Variants in FBXW7 observed in about 807,000 individuals in gnomAD.
FBXW7 encodes the protein F-box and WD repeat domain containing 7, also known as F-box/WD repeat-containing protein 7.
Under a neutral mutation model 86.3 loss-of-function variants are expected in FBXW7, and 11 were observed. The observed-to-expected ratio is 0.13, with a 90% CI of 0.08 to 0.21. The LOEUF (loss-of-function observed/expected upper bound fraction) is 0.21, where lower values mean the gene tolerates loss of function less well. Ranked by LOEUF, FBXW7 falls within the 10% of genes least tolerant of loss-of-function variation. The pLI is 1.00. For missense variants in FBXW7, 488 were observed against 847.4 expected, an observed-to-expected ratio of 0.58 and a Z score of 5.27; for synonymous variants, 313 against 297.9, an observed-to-expected ratio of 1.05 and a Z score of -0.52.
intron 2 of FBXW7, among the ~76,000 whole-genome samples, chr4:152,455,715 A>G (rs2149619120): frequency 6.6e-6 from 1 of 152,322 alleles, no homozygotes; most frequent in East Asian, 1.9e-4. Context: ...AACTTGGTGT[A>G]AAGCAACACA....
At chr4:152,329,985 T>C (rs947296359) in intron 9 of FBXW7, among the ~76,000 whole-genome samples, 200 bp from the exon 10 acceptor site, 5 of 151,916 alleles carry the variant, frequency 3.3e-5, no homozygotes, top group African/African-American at 4.8e-5. Flanking sequence ...CTATTATTTA[T>C]ACTCAAAACA....
chr4:152,362,342 T>C lies in FBXW7; in HGVS notation c.502-12218A>G, dbSNP rs187037638. Among the ~76,000 whole-genome samples the C allele has an allele frequency of 2.6e-4, 39 of 152,306 alleles. 1 individual carries two copies. Among genetic ancestry groups the C allele is most frequent in the Non-Finnish European group, 3.7e-4 (25 of 68,010 alleles). On this transcript the variant is annotated intron_variant, in intron 4 of 13. Transcript: ENST00000281708. ...AATCCTATGAGGAATAGTCTAAATC[T>C]ACCCAAAAGAATATCAATTCAAAGC...
At chr4:152,469,290 C>T (rs1743734773) in intron 2 of FBXW7, among the ~76,000 whole-genome samples, 1 of 151,926 alleles carries the variant, frequency 6.6e-6, no homozygotes, top group African/African-American at 2.4e-5. Context: ...CATTTTATAT[C>T]TATATAATCA....
At chr4:152,484,177 T>C (rs1292510462) in intron 2 of FBXW7, among the ~76,000 whole-genome samples, 5 of 152,182 alleles carry the variant, frequency 3.3e-5, no homozygotes, top group Non-Finnish European at 1.5e-5. Flanking sequence ...AATTTATTAC[T>C]ACTTATTTTA....
At chr4:152,352,783 GAGA>G (rs1560794257) in intron 4 of FBXW7, 17 of 1,598,228 alleles carry the variant, frequency 1.1e-5, no homozygotes, top group Middle Eastern at 3.3e-4. Flanking sequence ...AGAGAGAACG[GAGA>G]AGATTATTGG....
At chr4:152,531,170 T>C (rs992397937) in intron 2 of FBXW7, among the ~76,000 whole-genome samples, 4 of 152,202 alleles carry the variant, frequency 2.6e-5, no homozygotes, top group African/African-American at 9.7e-5. Flanking sequence ...CTGTCCTCAC[T>C]AGTAAATAAC....
intron 2 of FBXW7, among the ~76,000 whole-genome samples, chr4:152,459,245 C>T (rs973591555): frequency 2.0e-5 from 3 of 152,194 alleles, no homozygotes; most frequent in African/African-American, 7.2e-5. Flanking sequence ...AGAAGGATGA[C>T]ATCATTATCA....
intron 6 of FBXW7, among the ~76,000 whole-genome samples, chr4:152,343,991 T>C (rs571588277): frequency 2.0e-5 from 3 of 152,272 alleles, no homozygotes; most frequent in East Asian, 3.9e-4. Flanking sequence ...CAATGCTGTA[T>C]CACTGCCTTA....
intron 2 of FBXW7, among the ~76,000 whole-genome samples, chr4:152,516,345 G>A (rs561434459): frequency 2.8e-4 from 43 of 152,330 alleles, no homozygotes; most frequent in African/African-American, 1.0e-3. Context: ...GAGTCTCATA[G>A]GAGCACAAAC....
chr4:152,321,018 A>G lies in FBXW7; in HGVS notation c.*1863T>C, dbSNP rs1395828306. ...CCAGATTTCATATTTATACACCCCA[A>G]TGCAATCTACAGAGATGAGCACAGT... On this transcript the variant is annotated 3_prime_UTR_variant, in exon 14 of 14. Coordinates refer to ENST00000281708, the MANE Select transcript of FBXW7 (RefSeq NM_001349798.2). The G allele has an allele frequency of 5.9e-6, 1 of 168,932 alleles. No homozygotes were observed. The highest frequency in any genetic ancestry group is 6.4e-5 in the Admixed American group (1 of 15,672). 10.5% of individuals were successfully genotyped at this position (168,932 alleles called of 1,614,324 possible). A position where few individuals can be genotyped will look rare whatever the true frequency, so the allele number is the denominator to read the frequency against.
chr4:152,370,965 T>G (rs1300741788), intron 4 of FBXW7, among the ~76,000 whole-genome samples: 2 of 151,116 alleles, frequency 1.3e-5, no homozygotes, highest in African/African-American at 4.8e-5. Context: ...CTTTAATAAT[T>G]TTACCCTTCA....
chr4:152,441,252 G>C (rs1443166638), intron 2 of FBXW7, among the ~76,000 whole-genome samples: 2 of 151,814 alleles, frequency 1.3e-5, no homozygotes, highest in African/African-American at 2.4e-5. Flanking sequence ...CTTCTTTGTC[G>C]CCTGTCTCTG....
At chr4:152,489,803 C>A (rs1745670206) in intron 2 of FBXW7, among the ~76,000 whole-genome samples, 1 of 152,034 alleles carries the variant, frequency 6.6e-6, no homozygotes, top group Admixed American at 6.6e-5. Flanking sequence ...TTACTACCCT[C>A]CCCTCAATAC....
intron 2 of FBXW7, among the ~76,000 whole-genome samples, chr4:152,424,667 T>C (rs1739224234): frequency 6.6e-6 from 1 of 152,246 alleles, no homozygotes; most frequent in Non-Finnish European, 1.5e-5. Flanking sequence ...TAGAGTTTTG[T>C]AACTAGCAAC....
intron 5 of FBXW7, among the ~76,000 whole-genome samples, chr4:152,347,818 A>C (rs1169658245): frequency 2.0e-5 from 3 of 152,078 alleles, no homozygotes; most frequent in Non-Finnish European, 4.4e-5. Flanking sequence ...CGACTAGATG[A>C]TCTCTCTAAA....
At chr4:152,381,923 T>C (rs1369142009) in intron 4 of FBXW7, among the ~76,000 whole-genome samples, 2 of 152,140 alleles carry the variant, frequency 1.3e-5, no homozygotes, top group Non-Finnish European at 2.9e-5. Context: ...AACATACCTT[T>C]TTACATTTAC....
At chr4:152,422,387 T>C (rs991876962) in intron 2 of FBXW7, among the ~76,000 whole-genome samples, 1 of 152,192 alleles carries the variant, frequency 6.6e-6, no homozygotes, top group African/African-American at 2.4e-5. Flanking sequence ...GTCTGAGTAT[T>C]GTACTGAAGA....
intron 2 of FBXW7, among the ~76,000 whole-genome samples, chr4:152,515,909 C>G (rs1748442236): frequency 6.6e-6 from 1 of 152,100 alleles, no homozygotes; most frequent in Non-Finnish European, 1.5e-5. Flanking sequence ...AACATAATAA[C>G]TTGGCCACAT....
chr4:152,478,478 G>C (rs984852618), intron 2 of FBXW7, among the ~76,000 whole-genome samples: 6 of 151,892 alleles, frequency 4.0e-5, no homozygotes. Context: ...ACAGACATTT[G>C]GCCTTTTTCA....
Sources: gnomAD v4.1 joint callset for allele counts (sites outside exome capture counted in the v4.1 genomes callset) on GRCh38, gnomAD v4.1.1 for gene constraint, MANE v1.5 for transcripts, NCBI Gene and HGNC (gene_info 2026-07-23, HGNC 2026-07-21) for gene names.